ATP8B3: variants seen among roughly 807,000 people sequenced by gnomAD.
The protein encoded by ATP8B3 is ATPase phospholipid transporting 8B3, also known as phospholipid-transporting ATPase IK.
In ATP8B3, 141 loss-of-function variants were observed where a neutral mutation model predicts 140.9. The ratio of observed to expected loss-of-function variants is 1.00; its 90% CI spans 0.87 to 1.15. The LOEUF (loss-of-function observed/expected upper bound fraction) is 1.15. ATP8B3 is among the 50% of genes most tolerant of loss of function. The probability of loss-of-function intolerance (pLI) is 0.00; values close to 1 mark genes in which losing one functional copy is unlikely to be tolerated. For synonymous variants in ATP8B3, 765 were observed against 714.6 expected (o/e 1.07, Z -1.13); for missense variants, 1,874 against 1,740.6 (o/e 1.08, Z -1.36).
rs1360943261 is a variant in ATP8B3 at position 1,811,552 on chromosome 19, G to A, written c.185C>T (p.Ala62Val). Residue 62 changes from alanine to valine, a missense_variant, in exon 2 of 29, where the codon GCA (alanine) becomes GTA (valine). By Grantham distance (64) the Ala-to-Val change is moderately conservative. This residue lies in a region of ATP8B3 where 1,032 missense variants were observed against 963.6 expected (regional missense o/e 1.07). Coordinates refer to ENST00000310127, the MANE Select transcript of ATP8B3 (RefSeq NM_138813.4). ...AGMGDSPGRGAPERRHKAQPG... is the reference protein window; with the variant it reads ...AGMGDSPGRGVPERRHKAQPG... ...CTGGGCCTTGTGCCTCCTCTCAGGT[G>A]CCCCTCTGCCTGGGGAGTCTCCCAT... 6.2e-7 allele frequency: 1 copy of A among 1,612,290 alleles called. No individual in the cohort carries two copies. Among genetic ancestry groups the A allele is most frequent in the Non-Finnish European group, 8.5e-7 (1 of 1,179,784 alleles).
chr19:1,785,712 G>T lies in ATP8B3; in HGVS notation c.3154-4C>A. The T allele has an allele frequency of 6.7e-7, 1 of 1,492,708 alleles. No homozygotes were observed. The allele number at this position is 1,492,708 out of a possible 1,614,324, so 92.5% of individuals were successfully genotyped here. ...GGCTCTGCTCTGCGCTCACGTCCTT[G>T]GGGCAAGCAGAAGCTCTTGGGATTG... On this transcript the variant is annotated splice_polypyrimidine_tract_variant and splice_region_variant and intron_variant, in intron 25 of 28. Transcript: ENST00000310127.
chr19:1,792,620 C>T (rs5024843), intron 18 of ATP8B3, among the ~76,000 whole-genome samples: 40,760 of 145,242 alleles, frequency 0.28, 5,820 homozygotes, highest in East Asian at 0.47. Flanking sequence ...AGAAAGAAAG[C>T]GGGGAAGAGG....
intron 11 of ATP8B3, 24 bp from the exon 12 acceptor site, chr19:1,802,068 C>CAA: frequency 6.8e-7 from 1 of 1,463,132 alleles, no homozygotes; most frequent in South Asian, 1.2e-5. Flanking sequence ...TCCATCTATC[C>CAA]ACCCACCCAC....
rs191598401 is a variant in ATP8B3 at position 1,789,612 on chromosome 19, C to A, written c.2594G>T (p.Arg865Leu). Residue 865 changes from arginine to leucine, a missense_variant, in exon 23 of 29, where the codon CGC (arginine) becomes CTC (leucine). Physicochemically the swap from Arg to Leu is moderately radical, Grantham distance 102. Coordinates refer to ENST00000310127, the MANE Select transcript of ATP8B3 (RefSeq NM_138813.4). Reference sequence around the variant, plus strand: ...GAACCTCCGGCACAGCAGGGACAGGCGCCTGGCGTAGAGGAAATCCCTCCT... The same window carrying A: ...GAACCTCCGGCACAGCAGGGACAGGAGCCTGGCGTAGAGGAAATCCCTCCT... ...QSRRDFLYAR[R>L]LSLLCRRFGL... 3 of 1,590,818 alleles carry A rather than the reference C, an allele frequency of 1.9e-6. No individual in the cohort carries two copies. The highest frequency in any genetic ancestry group is 2.6e-6 in the Non-Finnish European group (3 of 1,172,980).
Position 1,800,477 on chromosome 19 carries a change from GA to G in ATP8B3, c.1153-29del. ...GGAAGGCAGACGCGACAGGGTGGGTGAGGGGGGCGGGGGTCCCCCACTCTGC... is the reference window on the plus strand; with the variant it reads ...GGAAGGCAGACGCGACAGGGTGGGTGGGGGGGCGGGGGTCCCCCACTCTGC... On this transcript the variant is annotated intron_variant, in intron 12 of 28. Transcript: ENST00000310127. The surrounding 1 kb of genome is among the most constrained non-coding windows in gnomAD (Gnocchi z 4.4). The G allele has an allele frequency of 6.4e-7, 1 of 1,551,564 alleles. No homozygotes were observed.
rs1016945836 is a variant in ATP8B3 at position 1,806,379 on chromosome 19, C to T, written c.678-210G>A. On this transcript the variant is annotated intron_variant, in intron 7 of 28. Coordinates refer to ENST00000310127, the MANE Select transcript of ATP8B3 (RefSeq NM_138813.4). The surrounding 1 kb of genome is among the most constrained non-coding windows in gnomAD (Gnocchi z 5.6). ...GACCTCCAGGGTCCTGCACCCACGT[C>T]CTCTTCAGACTTTCCTTGTCCTCCC... 2 of 1,444,738 alleles carry T rather than the reference C, an allele frequency of 1.4e-6. No homozygotes were observed. Among genetic ancestry groups the T allele is most frequent in the African/African-American group, 2.9e-5 (2 of 69,876 alleles). The allele number at this position is 1,444,738 out of a possible 1,614,324, so 89.5% of individuals were successfully genotyped here. A position where few individuals can be genotyped will look rare whatever the true frequency, so the allele number is the denominator to read the frequency against.
At chr19:1,799,836 G>C in intron 14 of ATP8B3, 111 bp downstream of exon 14, 1 of 1,136,304 alleles carries the variant, frequency 8.8e-7, no homozygotes, top group South Asian at 1.3e-5. Context: ...CCCTGGTTCA[G>C]ATTCGGGCGG....
chr19:1,792,215 C>T, intron 18 of ATP8B3, 80 bp from the exon 19 acceptor site: 1 of 1,439,164 alleles, frequency 6.9e-7, no homozygotes, highest in Non-Finnish European at 9.1e-7. Flanking sequence ...CCCTGCCGGG[C>T]TCCGGAGCCT....
In ATP8B3 at chr19:1,794,520, G is replaced by A. The variant is rs2068609979; in HGVS notation, c.2055+1355C>T. ...GTGAGGAGCCCCCAGGCTGGACGCAGAATCCTCTGGCCCTGTAGGGTCAGG... is the reference window on the plus strand; with the variant it reads ...GTGAGGAGCCCCCAGGCTGGACGCAAAATCCTCTGGCCCTGTAGGGTCAGG... On this transcript the variant is annotated intron_variant, in intron 18 of 28. Coordinates refer to ENST00000310127, the MANE Select transcript of ATP8B3 (RefSeq NM_138813.4). The surrounding 1 kb of genome is among the most constrained non-coding windows in gnomAD (Gnocchi z 4.8). 1.3e-5 allele frequency among the ~76,000 whole-genome samples: 2 copies of A among 151,978 alleles called. No homozygotes were observed. The highest frequency in any genetic ancestry group is 1.3e-4 in the Admixed American group (2 of 15,258).
At position 1,791,863 on chromosome 19, in the gene ATP8B3, T is replaced by TA. The variant is rs770572690; in HGVS notation, c.2191-3_2191-2insT. On this transcript the variant is annotated splice_region_variant and splice_polypyrimidine_tract_variant and intron_variant, in intron 19 of 28. Coordinates refer to ENST00000310127, the MANE Select transcript of ATP8B3 (RefSeq NM_138813.4). ...CTCGATGGCTGTGGCTCCCAGCAGC[T>TA]GGTGGGGGAGGAGGGCAGGGCGGGG... is the stretch of plus-strand genomic sequence containing the variant. 23 of 1,610,498 alleles carry TA rather than the reference T, an allele frequency of 1.4e-5. 1 individual carries two copies. The highest frequency in any genetic ancestry group is 1.9e-5 in the Non-Finnish European group (23 of 1,179,502).
intron 18 of ATP8B3, 79 bp downstream of exon 18, chr19:1,795,791 ACACAC>A: frequency 8.9e-6 from 1 of 111,926 alleles, no homozygotes; most frequent in Non-Finnish European, 1.5e-5. Context: ...CCCTACACAC[ACACAC>A]ACACACACAC....
Position 1,800,352 on chromosome 19 carries a change from A to G in ATP8B3, c.1250T>C (p.Val417Ala), listed in dbSNP as rs750734939. Residue 417 changes from valine to alanine, a missense_variant, in exon 13 of 29, where the codon GTG becomes GCG. Physicochemically the swap from Val to Ala is moderately conservative, Grantham distance 64 (BLOSUM62 0). This residue lies in a region of ATP8B3 where 1,032 missense variants were observed against 963.6 expected (regional missense o/e 1.07). Transcript: ENST00000310127. This position sits in a 1 kb window ranked among gnomAD's most constrained non-coding sequence, Gnocchi z 4.4. ...FKDHHYYLSG[V>A]HGSSVAAESF... is the part of the protein sequence containing the mutation. ...CTCTGCGGCCACGCTGCTCCCATGC[A>G]CCCCCGAGAGGTAGTAGTGGTGGTC... is the stretch of plus-strand genomic sequence containing the variant. The G allele has an allele frequency of 6.2e-7, 1 of 1,612,842 alleles. No homozygotes were observed. The highest frequency in any genetic ancestry group is 1.1e-5 in the South Asian group (1 of 91,056).
At chr19:1,787,966 C>T (rs1193039637) in intron 24 of ATP8B3, among the ~76,000 whole-genome samples, 2 of 151,974 alleles carry the variant, frequency 1.3e-5, no homozygotes, top group African/African-American at 2.4e-5. Context: ...CACTTGAACC[C>T]GGGAGGCAGA....
At chr19:1,783,856 T>C (rs554697656) in intron 28 of ATP8B3, among the ~76,000 whole-genome samples, 1 of 152,244 alleles carries the variant, frequency 6.6e-6, no homozygotes, top group South Asian at 2.1e-4. Flanking sequence ...TTTTTTGAGG[T>C]GGGGTCTTGC....
chr19:1,805,464 C>G lies in ATP8B3; in HGVS notation c.822-8G>C, dbSNP rs778195814. On this transcript the variant is annotated splice_polypyrimidine_tract_variant and splice_region_variant and intron_variant, in intron 9 of 28. Transcript: ENST00000310127. The surrounding 1 kb of genome is among the most constrained non-coding windows in gnomAD (Gnocchi z 5.2). ...AACTTCAAGTTGGTCTCCCTGGTGA[C>G]GAGGAGAGGAGGGAGGTGAAAGTGG... 2 of 1,556,138 alleles carry G rather than the reference C, an allele frequency of 1.3e-6. No homozygotes were observed. The highest frequency in any genetic ancestry group is 1.7e-6 in the Non-Finnish European group (2 of 1,147,882).
Position 1,789,376 on chromosome 19 carries a change from T to A in ATP8B3, c.2830A>T (p.Ile944Phe). ...CGCCACCCACTCTTGATCATGTTGA[T>A]GTCGTTGGCACCGTCCCCGATGGCC... Reference protein sequence around the residue: ...TLAIGDGANDINMIKTADVGV... With the variant: ...TLAIGDGANDFNMIKTADVGV... The change falls in exon 23 of 29, where the codon ATC becomes TTC. Residue 944 changes from isoleucine to phenylalanine, a missense_variant. Physicochemically the swap from Ile to Phe is conservative, Grantham distance 21. This residue lies in a region of ATP8B3 where 840 missense variants were observed against 760.9 expected (regional missense o/e 1.10). Transcript: ENST00000310127. 1.9e-6 allele frequency: 3 copies of A among 1,563,836 alleles called. No homozygotes were observed. The Admixed American group carries it at 5.4e-5, about 28-fold the overall frequency.
At chr19:1,808,685 G>A (rs756377357) in intron 4 of ATP8B3, among the ~76,000 whole-genome samples, 45 of 152,298 alleles carry the variant, frequency 3.0e-4, no homozygotes, top group Non-Finnish European at 5.0e-4. Flanking sequence ...AAAGACTCAT[G>A]GAGCTGTGAC....
chr19:1,785,648 C>G lies in ATP8B3; in HGVS notation c.3214G>C (p.Glu1072Gln). 6.2e-7 allele frequency: 1 copy of G among 1,613,144 alleles called. No homozygotes were observed. The highest frequency in any genetic ancestry group is 8.5e-7 in the Non-Finnish European group (1 of 1,179,822). The change falls in exon 26 of 29, where the codon GAG becomes CAG. Residue 1072 changes from glutamate to glutamine, a missense_variant. Around this residue, in one of 3 missense-constraint regions of ATP8B3, gnomAD observed 840 missense variants for 760.9 expected, o/e 1.10. Transcript: ENST00000310127. ...ACGAAGACCCAGTAGTTGAAGAGCT[C>G]GTCCTTCTGCCCCACCACGTACAGC... ...PELYVVGQKD[E>Q]LFNYWVFVQA...
At position 1,800,423 on chromosome 19, in the gene ATP8B3, G is replaced by T. The variant is rs1456013111; in HGVS notation, c.1179C>A (p.Cys393Ter). ...VVIFISVVLVCLVLAFGFGFS... is the reference protein window; with the variant it reads ...VVIFISVVLV ...AACCGAAGCCGAAGGCCAACACCAG[G>T]CAGACAAGCACCACGGAGATGAAGA... The change falls in exon 13 of 29, where the codon TGC becomes TGA. Residue 393 changes from cysteine (C) to a stop codon, truncating the protein, a stop_gained. Coordinates refer to ENST00000310127, the MANE Select transcript of ATP8B3 (RefSeq NM_138813.4). LOFTEE classifies it high-confidence loss of function. This position sits in a 1 kb window ranked among gnomAD's most constrained non-coding sequence, Gnocchi z 4.4. The T allele has an allele frequency of 4.4e-6, 7 of 1,595,022 alleles. No homozygotes were observed. The South Asian group carries it at 7.7e-5, about 18-fold the overall frequency.
Sources: allele counts gnomAD v4.1 joint callset (sites outside exome capture counted in the v4.1 genomes callset), GRCh38; gene constraint gnomAD v4.1.1; regional missense constraint gnomAD v4.1.1; non-coding constraint Gnocchi (gnomAD v3.1); transcripts MANE v1.5; gene names NCBI Gene and HGNC (gene_info 2026-07-23, HGNC 2026-07-21).